The following CKAP4 variants were observed in gnomAD, a reference collection of about 807,000 sequenced individuals.
CKAP4 encodes the protein cytoskeleton associated protein 4, also known as cytoskeleton-associated protein 4.
A neutral mutation model predicts 24.4 loss-of-function variants in CKAP4; 20 were observed. The observed-to-expected ratio is 0.82, with a 90% confidence interval of 0.58 to 1.19. CKAP4 has a LOEUF of 1.19. CKAP4 is among the 50% of genes most tolerant of loss of function. The probability of loss-of-function intolerance (pLI) is 0.00; values close to 1 mark genes in which losing one functional copy is unlikely to be tolerated. For synonymous variants in CKAP4, 378 were observed against 351.7 expected, an observed-to-expected ratio of 1.07 and a Z score of -0.84; for missense variants, 744 against 765.3, an observed-to-expected ratio of 0.97 and a Z score of 0.33.
rs1021084080 is a variant in CKAP4, at chr12:106,238,422, C to G, written c.*602G>C. 6 of 153,160 alleles carry G rather than the reference C, an allele frequency of 3.9e-5. No homozygotes were observed. The highest frequency in any genetic ancestry group is 1.4e-4 in the African/African-American group (6 of 41,406). The allele number at this position is 153,160 out of a possible 1,614,324, so 9.5% of individuals were successfully genotyped here. A position where few individuals can be genotyped will look rare whatever the true frequency, so the allele number is the denominator to read the frequency against. On this transcript the variant is annotated 3_prime_UTR_variant, in exon 2 of 2. Transcript: ENST00000378026. ...TTACCTCTGATATCACAAGATGCGT[C>G]AGGAAGAGAAACGACACGCACACCA...
Position 106,239,807 on chromosome 12 carries a change from G to A in CKAP4, c.1026C>T (p.Ala342=), listed in dbSNP as rs138167410. The A allele has an allele frequency of 0.012, 19,605 of 1,614,082 alleles. 186 individuals are homozygous for A. Among genetic ancestry groups the A allele is most frequent in the South Asian group, 0.03 (2,704 of 91,082 alleles). ...CCTGCAGGGCGAGCCGCTCCGTGTC[G>A]GCCGCCTCCTTGAAAGCCTGCTGCT... The part of the protein sequence containing the change: ...KQEQQAFKEA[A]DTERLALQAL... The change falls in exon 2 of 2, where the codon GCC becomes GCT. Residue 342 remains alanine, a synonymous_variant. Transcript: ENST00000378026. This position sits in a 1 kb window ranked among gnomAD's most constrained non-coding sequence, Gnocchi z 4.9.
chr12:106,247,570 GGCGGCGGCGGCGGCA>G lies in CKAP4; in HGVS notation c.267_281del (p.Ala90_Ala94del), dbSNP rs1383394377. The G allele has an allele frequency of 9.6e-5, 135 of 1,403,224 alleles. No homozygotes were observed. Among genetic ancestry groups the G allele is most frequent in the Non-Finnish European group, 1.1e-4 (117 of 1,078,340 alleles). 86.9% of individuals were successfully genotyped at this position (1,403,224 alleles called of 1,614,324 possible). On this transcript the variant is annotated inframe_deletion, in exon 1 of 2. Transcript: ENST00000378026. This position sits in a 1 kb window ranked among gnomAD's most constrained non-coding sequence, Gnocchi z 4.5. ...TGCGCGAGCAGGACGCCGAGGACGAGGCGGCGGCGGCGGCAGCGGCGGCGGAGGCGGAGGAGGAGG... is the reference window on the plus strand; with the variant it reads ...TGCGCGAGCAGGACGCCGAGGACGAGGCGGCGGCGGAGGCGGAGGAGGAGG...
intron 1 of CKAP4, chr12:106,245,826 C>G (rs1245585685): frequency 6.6e-6 from 1 of 152,242 alleles, no homozygotes; most frequent in Non-Finnish European, 1.5e-5. Context: ...AACTTCTGAC[C>G]TCAGGTGATC....
In CKAP4 at chr12:106,239,402, C is replaced by T. The variant is rs972291810; in HGVS notation, c.1431G>A (p.Glu477=). The change falls in exon 2 of 2, where the codon GAG becomes GAA. Residue 477 remains glutamate, a synonymous_variant. Transcript: ENST00000378026. This position sits in a 1 kb window ranked among gnomAD's most constrained non-coding sequence, Gnocchi z 4.9. ...GLASTVRSLG[E]TQLVLYGDVE... ...CGTCACCGTAGAGCACCAGCTGGGTCTCGCCCAGGCTCCTCACCGTGCTGG... is the reference window on the plus strand; with the variant it reads ...CGTCACCGTAGAGCACCAGCTGGGTTTCGCCCAGGCTCCTCACCGTGCTGG... 8 of 1,599,530 alleles carry T rather than the reference C, an allele frequency of 5.0e-6. No homozygotes were observed. The highest frequency in any genetic ancestry group is 1.1e-5 in the South Asian group (1 of 91,004).
chr12:106,239,856 C>G lies in CKAP4; in HGVS notation c.977G>C (p.Arg326Pro). 1 of 1,614,094 alleles carries G rather than the reference C, an allele frequency of 6.2e-7. No individual in the cohort carries two copies. The highest frequency in any genetic ancestry group is 8.5e-7 in the Non-Finnish European group (1 of 1,180,014). ...CTCCTGCTTGAGGCTCACCAGCTCG[C>G]GGACCTCGGTGTAGATGTCAGACTC... ...TMESDIYTEV[R>P]ELVSLKQEQQ... Residue 326 changes from arginine (R) to proline (P), a missense_variant, in exon 2 of 2, where the codon CGC (arginine) becomes CCC (proline). Arg to Pro is a moderately radical substitution (Grantham distance 103, BLOSUM62 -2). Around this residue, in one of 3 missense-constraint regions of CKAP4, gnomAD observed 401 missense variants for 424.5 expected, o/e 0.94. Transcript: ENST00000378026. The surrounding 1 kb of genome is among the most constrained non-coding windows in gnomAD (Gnocchi z 4.9).
At chr12:106,244,507 C>T (rs1371544194) in intron 1 of CKAP4, among the ~76,000 whole-genome samples, 1 of 152,210 alleles carries the variant, frequency 6.6e-6, no homozygotes, top group African/African-American at 2.4e-5. Context: ...GTCAGCCAGG[C>T]GCAGTGGCTC....
chr12:106,240,012 G>A lies in CKAP4; in HGVS notation c.821C>T (p.Ala274Val). The A allele has an allele frequency of 6.2e-7, 1 of 1,614,068 alleles. No individual in the cohort carries two copies. Among genetic ancestry groups the A allele is most frequent in the South Asian group, 1.1e-5 (1 of 91,084 alleles). ...KEINDMKAKV[A>V]SLEESEGNKQ... The stretch of plus-strand genomic sequence containing the variant: ...GTTCCCCTCAGATTCTTCCAGGGAG[G>A]CAACCTTTGCCTTCATGTCATTGAT... The change falls in exon 2 of 2, where the codon GCC becomes GTC. Residue 274 changes from alanine to valine, a missense_variant. This residue lies in a region of CKAP4 where 401 missense variants were observed against 424.5 expected (regional missense o/e 0.94). Transcript: ENST00000378026.
chr12:106,247,599 CGGA>C lies in CKAP4; in HGVS notation c.250_252del (p.Ser84del), dbSNP rs576389141. On this transcript the variant is annotated inframe_deletion, in exon 1 of 2. Coordinates refer to ENST00000378026, the MANE Select transcript of CKAP4 (RefSeq NM_006825.4). This position sits in a 1 kb window ranked among gnomAD's most constrained non-coding sequence, Gnocchi z 4.5. ...GCGGCGGCGGCAGCGGCGGCGGAGG[CGGA>C]GGAGGAGGAGGAGGACTTGCCGCCG... 1,943 of 1,282,408 alleles carry C rather than the reference CGGA, an allele frequency of 1.5e-3. No individual in the cohort carries two copies. The highest frequency in any genetic ancestry group is 2.8e-3 in the East Asian group (70 of 24,904). 79.4% of individuals were successfully genotyped at this position (1,282,408 alleles called of 1,614,324 possible). A position where few individuals can be genotyped will look rare whatever the true frequency, so the allele number is the denominator to read the frequency against.
At position 106,239,584 on chromosome 12, in the gene CKAP4, C is replaced by T; in HGVS notation, c.1249G>A (p.Glu417Lys). 6.2e-7 allele frequency: 1 copy of T among 1,614,096 alleles called. No individual in the cohort carries two copies. Among genetic ancestry groups the T allele is most frequent in the Non-Finnish European group, 8.5e-7 (1 of 1,180,028 alleles). The stretch of plus-strand genomic sequence containing the variant: ...ACCTGCATGGAGAGCACCCCATCCT[C>T]CACGTGCTGGAGCCTGGAGTCCAGT... ...QGLDSRLQHV[E>K]DGVLSMQVAS... The change falls in exon 2 of 2, where the codon GAG (glutamate) becomes AAG (lysine). Residue 417 changes from glutamate (E) to lysine (K), a missense_variant. This residue lies in a region of CKAP4 where 401 missense variants were observed against 424.5 expected (regional missense o/e 0.94). Coordinates refer to ENST00000378026, the MANE Select transcript of CKAP4 (RefSeq NM_006825.4). The surrounding 1 kb of genome is among the most constrained non-coding windows in gnomAD (Gnocchi z 4.9).
At chr12:106,241,533 C>T (rs1164752534) in intron 1 of CKAP4, among the ~76,000 whole-genome samples, 1 of 152,012 alleles carries the variant, frequency 6.6e-6, no homozygotes, top group African/African-American at 2.4e-5. Context: ...CGGGGTTTCA[C>T]CGTTTTAGCC....
Position 106,239,869 on chromosome 12 carries a change from A to T in CKAP4, c.964T>A (p.Tyr322Asn). The change falls in exon 2 of 2, where the codon TAC (tyrosine) becomes AAC (asparagine). Residue 322 changes from tyrosine to asparagine, a missense_variant. Physicochemically the swap from Tyr to Asn is moderately radical, Grantham distance 143. Around this residue, in one of 3 missense-constraint regions of CKAP4, gnomAD observed 401 missense variants for 424.5 expected, o/e 0.94. Transcript: ENST00000378026. This position sits in a 1 kb window ranked among gnomAD's most constrained non-coding sequence, Gnocchi z 4.9. ...STLQTMESDI[Y>N]TEVRELVSLK... ...CTCACCAGCTCGCGGACCTCGGTGT[A>T]GATGTCAGACTCCATAGTCTGAAGG... is the stretch of plus-strand genomic sequence containing the variant. The T allele has an allele frequency of 2.5e-6, 4 of 1,614,036 alleles. No homozygotes were observed. Among genetic ancestry groups the T allele is most frequent in the Non-Finnish European group, 3.4e-6 (4 of 1,180,000 alleles).
Position 106,239,682 on chromosome 12 carries a change from G to C in CKAP4, c.1151C>G (p.Ser384Cys). 6.2e-7 allele frequency: 1 copy of C among 1,614,176 alleles called. No homozygotes were observed. Among genetic ancestry groups the C allele is most frequent in the Non-Finnish European group, 8.5e-7 (1 of 1,180,042 alleles). The part of the protein sequence containing the change: ...EEELRQLKSD[S>C]HGPKEDGGFR... Reference sequence around the variant, plus strand: ...GCCTCCGTCCTCCTTCGGCCCGTGGGAATCGGACTTCAGCTGGCGGAGCTC... The same window carrying C: ...GCCTCCGTCCTCCTTCGGCCCGTGGCAATCGGACTTCAGCTGGCGGAGCTC... The change falls in exon 2 of 2, where the codon TCC becomes TGC. Residue 384 changes from serine (S) to cysteine (C), a missense_variant. Transcript: ENST00000378026. The surrounding 1 kb of genome is among the most constrained non-coding windows in gnomAD (Gnocchi z 4.9).
Position 106,247,598 on chromosome 12 carries a change from G to A in CKAP4, c.254C>T (p.Ala85Val). The change falls in exon 1 of 2, where the codon GCC (alanine) becomes GTC (valine). Residue 85 changes from alanine (A) to valine (V), a missense_variant. Ala to Val is a moderately conservative substitution (Grantham distance 64, BLOSUM62 0). This residue lies in a region of CKAP4 where 300 missense variants were observed against 264.5 expected (regional missense o/e 1.13). Coordinates refer to ENST00000378026, the MANE Select transcript of CKAP4 (RefSeq NM_006825.4). This position sits in a 1 kb window ranked among gnomAD's most constrained non-coding sequence, Gnocchi z 4.5. ...GGCGGCGGCGGCAGCGGCGGCGGAG[G>A]CGGAGGAGGAGGAGGAGGACTTGCC... is the stretch of plus-strand genomic sequence containing the variant. ...GGGKSSSSSS[A>V]SAAAAAAAAS... 7.1e-7 allele frequency: 1 copy of A among 1,404,856 alleles called. No homozygotes were observed. The highest frequency in any genetic ancestry group is 1.5e-5 in the South Asian group (1 of 68,730). The allele number at this position is 1,404,856 out of a possible 1,614,324, so 87.0% of individuals were successfully genotyped here.
intron 1 of CKAP4, 148 bp from the exon 2 acceptor site, chr12:106,240,497 G>T: frequency 2.2e-6 from 2 of 895,968 alleles, no homozygotes; most frequent in Non-Finnish European, 3.3e-6. Flanking sequence ...TCCACATATA[G>T]TCCATATGGT....
rs1185433735 is a variant in CKAP4 at position 106,239,133 on chromosome 12, A to G, written c.1700T>C (p.Ile567Thr). ...TTCCAGATTGTTCTCGTTGGTTTCT[A>G]TTTTGACCGAGTATGCAACCAAACT... is the stretch of plus-strand genomic sequence containing the variant. ...VDSLVAYSVKIETNENNLESA... is the reference protein window; with the variant it reads ...VDSLVAYSVKTETNENNLESA... The change falls in exon 2 of 2, where the codon ATA becomes ACA. Residue 567 changes from isoleucine (I) to threonine (T), a missense_variant. Coordinates refer to ENST00000378026, the MANE Select transcript of CKAP4 (RefSeq NM_006825.4). This position sits in a 1 kb window ranked among gnomAD's most constrained non-coding sequence, Gnocchi z 4.9. The G allele has an allele frequency of 1.9e-6, 3 of 1,613,802 alleles. No homozygotes were observed. Among genetic ancestry groups the G allele is most frequent in the African/African-American group, 1.3e-5 (1 of 75,000 alleles).
intron 1 of CKAP4, among the ~76,000 whole-genome samples, chr12:106,244,352 G>A (rs1468172068): frequency 6.6e-6 from 1 of 152,222 alleles, no homozygotes; most frequent in East Asian, 1.9e-4. Context: ...GCTGATAATA[G>A]TACTTACCTC....
In CKAP4 at chr12:106,238,975, G is replaced by C. The variant is rs368810148; in HGVS notation, c.*49C>G. The C allele has an allele frequency of 2.5e-6, 4 of 1,577,402 alleles. No individual in the cohort carries two copies. Among genetic ancestry groups the C allele is most frequent in the African/African-American group, 1.4e-5 (1 of 73,870 alleles). On this transcript the variant is annotated 3_prime_UTR_variant, in exon 2 of 2. Transcript: ENST00000378026. ...CATGGGAAAAAACCACACATTTTTT[G>C]GTCATGAGAAATTGGACTTTAAATC...
chr12:106,240,821 A>C (rs1161744000), intron 1 of CKAP4, among the ~76,000 whole-genome samples: 2 of 152,200 alleles, frequency 1.3e-5, no homozygotes, highest in Non-Finnish European at 2.9e-5. Flanking sequence ...CAGGATCTTC[A>C]ACAACTAAGT....
chr12:106,242,853 C>G (rs1223155171), intron 1 of CKAP4, among the ~76,000 whole-genome samples: 1 of 152,212 alleles, frequency 6.6e-6, no homozygotes, highest in African/African-American at 2.4e-5. Context: ...CAGCCCTGAC[C>G]TGCGCTGGCT....
Sources: gnomAD v4.1 joint callset for allele counts (sites outside exome capture counted in the v4.1 genomes callset) on GRCh38, gnomAD v4.1.1 for gene constraint, gnomAD v4.1.1 regional missense constraint, Gnocchi (gnomAD v3.1) non-coding constraint, MANE v1.5 for transcripts, NCBI Gene and HGNC (gene_info 2026-07-23, HGNC 2026-07-21) for gene names.